UBASH3B: variants seen among roughly 807,000 people sequenced by gnomAD.
The protein encoded by UBASH3B is ubiquitin associated and SH3 domain containing B.
In UBASH3B, 37 loss-of-function variants were observed where a neutral mutation model predicts 83.4. The observed-to-expected ratio is 0.44, with a 90% confidence interval of 0.34 to 0.58. The LOEUF (loss-of-function observed/expected upper bound fraction) is 0.58, where lower values mean the gene tolerates loss of function less well. UBASH3B is among the 20% of genes least tolerant of loss of function. The probability of loss-of-function intolerance (pLI) is 0.01; values close to 1 mark genes in which losing one functional copy is unlikely to be tolerated. For synonymous variants in UBASH3B, 304 were observed against 318.3 expected, an observed-to-expected ratio of 0.96 and a Z score of 0.48; for missense variants, 657 against 827.2, an observed-to-expected ratio of 0.79 and a Z score of 2.52.
chr11:122,725,363 C>T (rs1174223776), intron 1 of UBASH3B, among the ~76,000 whole-genome samples: 1 of 128,600 alleles, frequency 7.8e-6, no homozygotes, highest in Admixed American at 7.6e-5. Context: ...AAGAAACAAA[C>T]TCAATGACTT....
intron 1 of UBASH3B, among the ~76,000 whole-genome samples, chr11:122,683,377 G>C (rs966898396): frequency 8.5e-5 from 13 of 152,052 alleles, no homozygotes; most frequent in African/African-American, 3.1e-4. Context: ...CAGTGTGGGA[G>C]GCCAAGGCGG....
chr11:122,721,406 AG>A (rs1860635556), intron 1 of UBASH3B, among the ~76,000 whole-genome samples: 1 of 152,072 alleles, frequency 6.6e-6, no homozygotes, highest in Non-Finnish European at 1.5e-5. Flanking sequence ...GGTGGCTGGG[AG>A]GACCACTAAA....
rs1483273764 is a variant in UBASH3B at position 122,712,898 on chromosome 11, T to TTG, written c.161+56689_161+56690insGT. Among the ~76,000 whole-genome samples the TTG allele has an allele frequency of 5.9e-5, 3 of 50,864 alleles. No individual in the cohort carries two copies. In the East Asian group the frequency reaches 1.3e-3, roughly 22 times the overall value. The allele number at this position is 50,864 out of a possible 152,430, so 33.4% of individuals were successfully genotyped here. A position where few individuals can be genotyped will look rare whatever the true frequency, so the allele number is the denominator to read the frequency against. ...CATTCATCTTTCTTCTCTGGGTGGT[T>TTG]TTTTTTTTTTTTTTTTTTTTTTTTT... On this transcript the variant is annotated intron_variant, in intron 1 of 13. Transcript: ENST00000284273.
At chr11:122,700,007 C>A (rs1321502535) in intron 1 of UBASH3B, among the ~76,000 whole-genome samples, 2 of 152,108 alleles carry the variant, frequency 1.3e-5, no homozygotes, top group Non-Finnish European at 2.9e-5. Flanking sequence ...AACTAGAGGT[C>A]GTGTTGTTGG....
intron 1 of UBASH3B, among the ~76,000 whole-genome samples, chr11:122,708,826 T>C (rs886506391): frequency 3.3e-5 from 5 of 152,210 alleles, no homozygotes; most frequent in African/African-American, 1.2e-4. Context: ...CGAAAGCATA[T>C]AATAATCCTT....
intron 1 of UBASH3B, among the ~76,000 whole-genome samples, chr11:122,668,891 T>C (rs536195944): frequency 2.6e-5 from 4 of 152,280 alleles, no homozygotes; most frequent in African/African-American, 9.6e-5. Flanking sequence ...CAAGCACCAC[T>C]GTTTCAGAGA....
At chr11:122,716,785 T>C (rs938128298) in intron 1 of UBASH3B, among the ~76,000 whole-genome samples, 1 of 152,172 alleles carries the variant, frequency 6.6e-6, no homozygotes, top group Non-Finnish European at 1.5e-5. Context: ...TTCTGAATCT[T>C]GAACAGCAGA....
chr11:122,807,647 C>T (rs138315328), intron 12 of UBASH3B, among the ~76,000 whole-genome samples: 99 of 152,190 alleles, frequency 6.5e-4, no homozygotes, highest in African/African-American at 2.3e-3. Flanking sequence ...ATCTCCTGGG[C>T]TCAAGTGATC....
At position 122,789,427 on chromosome 11, in the gene UBASH3B, A is replaced by G. The variant is rs1441105873; in HGVS notation, c.980+119A>G. On this transcript the variant is annotated intron_variant, in intron 6 of 13. Transcript: ENST00000284273. ...GGGAAGAAGGCCCTGTGGATTCCAG[A>G]ATTCCAGGAAAGGAGCTGATTTGAG... The G allele has an allele frequency of 8.8e-6, 10 of 1,130,302 alleles. 1 individual carries two copies. The Admixed American group carries it at 1.1e-4, about 13-fold the overall frequency. The allele number at this position is 1,130,302 out of a possible 1,614,324, so 70.0% of individuals were successfully genotyped here.
At chr11:122,747,498 G>A (rs974995679) in intron 1 of UBASH3B, among the ~76,000 whole-genome samples, 2 of 152,206 alleles carry the variant, frequency 1.3e-5, no homozygotes, top group African/African-American at 2.4e-5. Context: ...GTCCTGGGGA[G>A]TGTGGGCTGG....
intron 1 of UBASH3B, among the ~76,000 whole-genome samples, chr11:122,656,735 C>G (rs1863369780): frequency 6.6e-6 from 1 of 152,180 alleles, no homozygotes; most frequent in Admixed American, 6.5e-5. Context: ...CGGTCTCCCC[C>G]TGGAGTAGGA....
At chr11:122,669,300 C>T (rs1221061188) in intron 1 of UBASH3B, among the ~76,000 whole-genome samples, 1 of 152,186 alleles carries the variant, frequency 6.6e-6, no homozygotes, top group African/African-American at 2.4e-5. Flanking sequence ...GCCTCCATCC[C>T]TTGGCTAGTG....
At chr11:122,676,100 A>G (rs1863664159) in intron 1 of UBASH3B, among the ~76,000 whole-genome samples, 1 of 152,116 alleles carries the variant, frequency 6.6e-6, no homozygotes, top group South Asian at 2.1e-4. Context: ...CCCTTGTAAG[A>G]TTTCATTAAA....
rs74701720 is a variant in UBASH3B at position 122,696,270 on chromosome 11, C to T, written c.161+40060C>T. ...CGGCCCCAAATAGTTTTTAATTTCT[C>T]GGTAATAAGCCGGCAGGATTTTAAC... On this transcript the variant is annotated intron_variant, in intron 1 of 13. Transcript: ENST00000284273. Among the ~76,000 whole-genome samples the T allele has an allele frequency of 4.6e-3, 702 of 151,816 alleles. 8 individuals carry two copies. Among genetic ancestry groups the T allele is most frequent in the African/African-American group, 0.016 (658 of 41,410 alleles).
rs1471355844 is a variant in UBASH3B, at chr11:122,789,119, C to G, written c.791C>G (p.Pro264Arg). 6.2e-7 allele frequency: 1 copy of G among 1,613,362 alleles called. No homozygotes were observed. The highest frequency in any genetic ancestry group is 2.2e-5 in the East Asian group (1 of 44,876). The change falls in exon 6 of 14, where the codon CCC (proline) becomes CGC (arginine). Residue 264 changes from proline (P) to arginine (R), a missense_variant. Pro to Arg is a moderately radical substitution (Grantham distance 103, BLOSUM62 -2). This residue lies in a region of UBASH3B where 573 missense variants were observed against 739.0 expected (regional missense o/e 0.78). Coordinates refer to ENST00000284273, the MANE Select transcript of UBASH3B (RefSeq NM_032873.5). ...TTCCAGACATTACAGGTCATCTACC[C>G]CTATACCCCACAAAATGACGATGAG... is the stretch of plus-strand genomic sequence containing the variant. Reference protein sequence around the residue: ...ANHETLQVIYPYTPQNDDELE... With the variant: ...ANHETLQVIYRYTPQNDDELE...
intron 10 of UBASH3B, among the ~76,000 whole-genome samples, chr11:122,799,439 A>G (rs1051300374): frequency 2.0e-5 from 3 of 150,324 alleles, no homozygotes; most frequent in Non-Finnish European, 4.4e-5. Flanking sequence ...GTGAGCCAAG[A>G]TTGCGCCATT....
At chr11:122,784,172 G>T (rs1219895428) in intron 5 of UBASH3B, among the ~76,000 whole-genome samples, 1 of 152,080 alleles carries the variant, frequency 6.6e-6, no homozygotes, top group East Asian at 1.9e-4. Context: ...GATCTCAGGT[G>T]ATCTGCACGC....
chr11:122,770,157 G>A (rs1005319323), intron 1 of UBASH3B, among the ~76,000 whole-genome samples: 3 of 152,170 alleles, frequency 2.0e-5, no homozygotes, highest in Admixed American at 6.5e-5. Context: ...AGTGCCTACC[G>A]CCACGCATGT....
chr11:122,757,755 C>T (rs1263377253), intron 1 of UBASH3B, among the ~76,000 whole-genome samples: 2 of 145,574 alleles, frequency 1.4e-5, no homozygotes, highest in African/African-American at 5.2e-5. Context: ...CACTCTGTCG[C>T]CAGGCTGAAG....
Sources: allele counts gnomAD v4.1 joint callset (sites outside exome capture counted in the v4.1 genomes callset), GRCh38; gene constraint gnomAD v4.1.1; regional missense constraint gnomAD v4.1.1; transcripts MANE v1.5; gene names NCBI Gene and HGNC (gene_info 2026-07-23, HGNC 2026-07-21).